Variants in PYGO1 observed in about 807,000 individuals in gnomAD.
PYGO1 encodes pygopus homolog 1.
Under a neutral mutation model 29.5 loss-of-function variants are expected in PYGO1, and 6 were observed. The observed-to-expected ratio is 0.20, with a 90% CI of 0.11 to 0.40. The LOEUF (loss-of-function observed/expected upper bound fraction) is 0.40. PYGO1 is among the 10% of genes least tolerant of loss of function. PYGO1 has a pLI of 1.00. For missense variants in PYGO1, 515 were observed against 514.9 expected (o/e 1.00, Z 0.00); for synonymous variants, 186 against 180.5 (o/e 1.03, Z -0.24).
intron 1 of PYGO1, among the ~76,000 whole-genome samples, chr15:55,562,135 A>G (rs1178999706): frequency 1.3e-5 from 2 of 152,198 alleles, no homozygotes; most frequent in Non-Finnish European, 2.9e-5. Context: ...CAAAACCACA[A>G]CGAGATACCA....
intron 1 of PYGO1, among the ~76,000 whole-genome samples, chr15:55,576,778 G>T (rs1398008821): frequency 7.1e-5 from 2 of 28,306 alleles, no homozygotes; most frequent in Non-Finnish European, 2.2e-4. Context: ...AGAAGTGGGG[G>T]AAAAGATTCT....
chr15:55,582,000 A>C (rs1293908687), intron 1 of PYGO1, among the ~76,000 whole-genome samples: 1 of 152,080 alleles, frequency 6.6e-6, no homozygotes, highest in Non-Finnish European at 1.5e-5. Flanking sequence ...TGAGGTCAGG[A>C]GTTTGAGACC....
chr15:55,578,449 T>C (rs7181809), intron 1 of PYGO1, among the ~76,000 whole-genome samples: 142,677 of 152,166 alleles, frequency 0.94, 67,099 homozygotes, highest in Admixed American at 0.97. Context: ...TTTTCCACAG[T>C]GGCTACATCA....
chr15:55,541,325 A>C lies in PYGO1; in HGVS notation c.*4698T>G, dbSNP rs1313256363. 2 of 152,130 alleles carry C rather than the reference A, an allele frequency of 1.3e-5. No homozygotes were observed. Among genetic ancestry groups the C allele is most frequent in the Admixed American group, 6.5e-5 (1 of 15,278 alleles). The allele number at this position is 152,130 out of a possible 1,614,324, so 9.4% of individuals were successfully genotyped here. ...ACTTTTATAATGCTCTACTGGATGG[A>C]ACAATAAGCTACTAAAAATTAGAAA... On this transcript the variant is annotated 3_prime_UTR_variant, in exon 3 of 3. Transcript: ENST00000563719.
In PYGO1 at chr15:55,547,135, G is replaced by T. The variant is rs1217424271; in HGVS notation, c.148C>A (p.Pro50Thr). 6.3e-7 allele frequency: 1 copy of T among 1,590,728 alleles called. No individual in the cohort carries two copies. ...GGTGGAGCATACTCAGACAATGGAGGGAAAGAAGGTCCCTGAAATGAGAAT... is the reference window on the plus strand; with the variant it reads ...GGTGGAGCATACTCAGACAATGGAGTGAAAGAAGGTCCCTGAAATGAGAAT... ...RKANTQGPSF[P>T]PLSEYAPPPN... The change falls in exon 3 of 3, where the codon CCT (proline) becomes ACT (threonine). Residue 50 changes from proline to threonine, a missense_variant. Pro to Thr is a conservative substitution (Grantham distance 38, BLOSUM62 -1). Transcript: ENST00000563719.
intron 1 of PYGO1, among the ~76,000 whole-genome samples, chr15:55,565,429 C>T (rs991844518): frequency 2.6e-5 from 4 of 151,968 alleles, no homozygotes; most frequent in Admixed American, 6.6e-5. Flanking sequence ...TTTGGCCAAG[C>T]GCGGTGGCTC....
rs2058915586 is a variant in PYGO1 at position 55,558,155 on chromosome 15, A to C, written c.50-9160T>G. ...AGATAAGCAACTTCAGCAAAGTCTC[A>C]GGATACAAAATCAATGTGCAAAAAT... is the stretch of plus-strand genomic sequence containing the variant. On this transcript the variant is annotated intron_variant, in intron 1 of 2. Transcript: ENST00000563719. Among the ~76,000 whole-genome samples the C allele has an allele frequency of 3.3e-5, 5 of 152,258 alleles. No individual in the cohort carries two copies. The South Asian group carries it at 1.0e-3, about 31-fold the overall frequency.
chr15:55,588,491 G>C (rs1430802820), upstream of PYGO1, among the ~76,000 whole-genome samples: 1 of 146,762 alleles, frequency 6.8e-6, no homozygotes, highest in South Asian at 2.1e-4. Flanking sequence ...CTCGTCCCGC[G>C]GCGCCTCCCG....
chr15:55,571,268 C>A (rs2058978926), intron 1 of PYGO1, among the ~76,000 whole-genome samples: 2 of 152,168 alleles, frequency 1.3e-5, no homozygotes, highest in Non-Finnish European at 2.9e-5. Flanking sequence ...TCTGTAGATG[C>A]ATACCTCGGT....
Position 55,588,079 on chromosome 15 carries a change from G to A in PYGO1, c.-196C>T. 1.9e-6 allele frequency: 2 copies of A among 1,061,142 alleles called. No individual in the cohort carries two copies. The highest frequency in any genetic ancestry group is 2.3e-6 in the Non-Finnish European group (2 of 879,398). The allele number at this position is 1,061,142 out of a possible 1,614,324, so 65.7% of individuals were successfully genotyped here. A position where few individuals can be genotyped will look rare whatever the true frequency, so the allele number is the denominator to read the frequency against. On this transcript the variant is annotated 5_prime_UTR_variant, in exon 1 of 3. Transcript: ENST00000563719. Reference sequence around the variant, plus strand: ...GAGGACGAGGCCTCGGGGCGGCGGGGCGGCGGGGCGGCGTGCGGGCACCGG... The same window carrying A: ...GAGGACGAGGCCTCGGGGCGGCGGGACGGCGGGGCGGCGTGCGGGCACCGG...
At position 55,539,109 on chromosome 15, in the gene PYGO1, G is replaced by A. The variant is rs1424301251; in HGVS notation, c.*6914C>T. 1 of 152,092 alleles carries A rather than the reference G, an allele frequency of 6.6e-6. No individual in the cohort carries two copies. Among genetic ancestry groups the A allele is most frequent in the Admixed American group, 6.6e-5 (1 of 15,260 alleles). The allele number at this position is 152,092 out of a possible 1,614,324, so 9.4% of individuals were successfully genotyped here. A position where few individuals can be genotyped will look rare whatever the true frequency, so the allele number is the denominator to read the frequency against. On this transcript the variant is annotated 3_prime_UTR_variant, in exon 3 of 3. Coordinates refer to ENST00000563719, the MANE Select transcript of PYGO1 (RefSeq NM_001367806.1). ...AATAACATGGACTGTCTTGACAGCA[G>A]AACGTCTACTTGTCTTCTTACTTAT...
chr15:55,548,808 C>G, intron 2 of PYGO1, 102 bp downstream of exon 2: 1 of 656,386 alleles, frequency 1.5e-6, no homozygotes, highest in South Asian at 2.5e-5. Flanking sequence ...AAAGTACAAT[C>G]ACTTGAATAG....
At chr15:55,583,508 T>TTGTTTG (rs1458803087) in intron 1 of PYGO1, among the ~76,000 whole-genome samples, 1 of 151,378 alleles carries the variant, frequency 6.6e-6, no homozygotes, top group Non-Finnish European at 1.5e-5. Flanking sequence ...CCACATTTTT[T>TTGTTTG]TGTTTGTTTT....
rs184995083 is a variant in PYGO1 at position 55,542,563 on chromosome 15, T to C, written c.*3460A>G. 2.4e-4 allele frequency: 37 copies of C among 152,318 alleles called. No individual in the cohort carries two copies. The highest frequency in any genetic ancestry group is 8.4e-4 in the African/African-American group (35 of 41,568). The allele number at this position is 152,318 out of a possible 1,614,324, so 9.4% of individuals were successfully genotyped here. A position where few individuals can be genotyped will look rare whatever the true frequency, so the allele number is the denominator to read the frequency against. ...CAGTATTAGTGAATCGAGTAACACCTAGAAGCATGTGGACCACAAATTCTC... is the reference window on the plus strand; with the variant it reads ...CAGTATTAGTGAATCGAGTAACACCCAGAAGCATGTGGACCACAAATTCTC... On this transcript the variant is annotated 3_prime_UTR_variant, in exon 3 of 3. Coordinates refer to ENST00000563719, the MANE Select transcript of PYGO1 (RefSeq NM_001367806.1).
intron 1 of PYGO1, among the ~76,000 whole-genome samples, chr15:55,571,985 A>G (rs956133701): frequency 1.3e-5 from 2 of 152,140 alleles, no homozygotes; most frequent in African/African-American, 2.4e-5. Flanking sequence ...GTGTCCCTCA[A>G]TAGGGTTTTT....
intron 1 of PYGO1, among the ~76,000 whole-genome samples, chr15:55,575,828 A>G (rs1026491345): frequency 1.2e-4 from 18 of 152,144 alleles, no homozygotes; most frequent in Non-Finnish European, 5.9e-5. Context: ...AGGTATTAAT[A>G]CCAGCTTAAA....
At chr15:55,549,161 T>G (rs368807192) in intron 1 of PYGO1, among the ~76,000 whole-genome samples, 166 bp from the exon 2 acceptor site, 1 of 152,272 alleles carries the variant, frequency 6.6e-6, no homozygotes, top group African/African-American at 2.4e-5. Flanking sequence ...TCCCATAGTT[T>G]GAGCCAGAAA....
In PYGO1 at chr15:55,546,555, T is replaced by A; in HGVS notation, c.728A>T (p.Gln243Leu). Reference sequence around the variant, plus strand: ...TTGATTAGTGTTTTTGGTTGCTCCTTGAGTAAAGTCTTGTTTTGGGGGTGG... The same window carrying A: ...TTGATTAGTGTTTTTGGTTGCTCCTAGAGTAAAGTCTTGTTTTGGGGGTGG... ...KAPPPKQDFT[Q>L]GATKNTNQNS... Residue 243 changes from glutamine (Q) to leucine (L), a missense_variant, in exon 3 of 3, where the codon CAA (glutamine) becomes CTA (leucine). By Grantham distance (113) the Gln-to-Leu change is moderately radical (BLOSUM62 -2). Coordinates refer to ENST00000563719, the MANE Select transcript of PYGO1 (RefSeq NM_001367806.1). 6.2e-7 allele frequency: 1 copy of A among 1,614,158 alleles called. No homozygotes were observed. Among genetic ancestry groups the A allele is most frequent in the East Asian group, 2.2e-5 (1 of 44,886 alleles).
At chr15:55,562,141 T>C (rs1344457372) in intron 1 of PYGO1, among the ~76,000 whole-genome samples, 1 of 152,118 alleles carries the variant, frequency 6.6e-6, no homozygotes, top group African/African-American at 2.4e-5. Context: ...CACAACGAGA[T>C]ACCATCTCAC....
Sources: allele counts gnomAD v4.1 joint callset (sites outside exome capture counted in the v4.1 genomes callset), GRCh38; gene constraint gnomAD v4.1.1; transcripts MANE v1.5; gene names NCBI Gene and HGNC (gene_info 2026-07-23, HGNC 2026-07-21).